Variants in SEMA3A observed in about 807,000 individuals in gnomAD.
SEMA3A encodes the protein semaphorin-3A.
SEMA3A carries 29 observed loss-of-function variants against 97.9 expected under a neutral mutation model. The ratio of observed to expected loss-of-function variants is 0.30; its 90% CI spans 0.22 to 0.40. The LOEUF is 0.40. SEMA3A is among the 10% of genes least tolerant of loss of function. SEMA3A has a pLI of 1.00. For missense variants in SEMA3A, 763 were observed against 951.3 expected (o/e 0.80, Z 2.60); for synonymous variants, 321 against 323.7 (o/e 0.99, Z 0.09).
At chr7:84,147,267 A>T (rs577222968) in intron 1 of SEMA3A, among the ~76,000 whole-genome samples, 1 of 152,294 alleles carries the variant, frequency 6.6e-6, no homozygotes, top group South Asian at 2.1e-4. Flanking sequence ...CTTAAGAATG[A>T]TTTATTTAAA....
At chr7:84,154,322 G>A (rs1796766973) in intron 1 of SEMA3A, among the ~76,000 whole-genome samples, 1 of 152,032 alleles carries the variant, frequency 6.6e-6, no homozygotes, top group Non-Finnish European at 1.5e-5. Flanking sequence ...CATTTCTTAG[G>A]CTAATTATTT....
chr7:84,490,753 G>A (rs1235914156), intron 1 of SEMA3A, among the ~76,000 whole-genome samples: 1 of 152,142 alleles, frequency 6.6e-6, no homozygotes, highest in Admixed American at 6.6e-5. Context: ...GCTGAAGTGA[G>A]GTCCAGCCTT....
At chr7:84,238,606 A>G (rs1043848017) in intron 3 of SEMA3A, among the ~76,000 whole-genome samples, 4 of 152,188 alleles carry the variant, frequency 2.6e-5, no homozygotes, top group Non-Finnish European at 5.9e-5. Context: ...CCTTTCTGCA[A>G]TAGTTCTGTT....
chr7:84,444,551 CTTTTCTTT>C (rs1232122727), intron 1 of SEMA3A, among the ~76,000 whole-genome samples: 1 of 149,544 alleles, frequency 6.7e-6, no homozygotes, highest in Non-Finnish European at 1.5e-5. Context: ...CAGTGATTTT[CTTTTCTTT>C]TTTTCTTTTT....
Position 84,072,843 on chromosome 7 carries a change from T to C in SEMA3A, c.454-12285A>G, listed in dbSNP as rs979902643. Among the ~76,000 whole-genome samples, 4 of 152,180 alleles carry C rather than the reference T, an allele frequency of 2.6e-5. No individual in the cohort carries two copies. In the East Asian group the frequency reaches 7.7e-4, roughly 29 times the overall value. ...ATTGCCTTAAAACTTCATGTATATA[T>C]TATTTCACTTAATCTTCATGACAAC... On this transcript the variant is annotated intron_variant, in intron 4 of 16. Transcript: ENST00000265362.
At chr7:83,965,676 T>A (rs1464321737) in intron 15 of SEMA3A, among the ~76,000 whole-genome samples, 61 of 61,144 alleles carry the variant, frequency 1.0e-3, no homozygotes, top group East Asian at 5.8e-3. Context: ...ATTTTTTTTT[T>A]TTTTTTTTTT....
intron 2 of SEMA3A, among the ~76,000 whole-genome samples, chr7:84,314,312 G>A (rs1801441750): frequency 1.3e-5 from 2 of 152,048 alleles, no homozygotes; most frequent in South Asian, 2.1e-4. Context: ...GGTAATATCA[G>A]AGACATAAAC....
intron 3 of SEMA3A, among the ~76,000 whole-genome samples, chr7:84,269,143 CTGTTTA>C (rs1800083501): frequency 6.6e-6 from 1 of 151,848 alleles, no homozygotes; most frequent in South Asian, 2.1e-4. Context: ...AATTTTTTTT[CTGTTTA>C]TATCTCATAT....
chr7:84,055,584 A>G lies in SEMA3A; in HGVS notation c.547+4881T>C, dbSNP rs531107891. ...TGGCTCGTGCACGGTGCGCGCACCC[A>G]CTGACCTGCGCCCACTGTCTGGCAC... On this transcript the variant is annotated intron_variant, in intron 5 of 16. Coordinates refer to ENST00000265362, the MANE Select transcript of SEMA3A (RefSeq NM_006080.3). 3.3e-5 allele frequency among the ~76,000 whole-genome samples: 5 copies of G among 152,252 alleles called. No individual in the cohort carries two copies. In the East Asian group the frequency reaches 5.8e-4, roughly 18 times the overall value.
chr7:84,209,490 G>T (rs969948679), intron 3 of SEMA3A, among the ~76,000 whole-genome samples: 8 of 152,108 alleles, frequency 5.3e-5, no homozygotes, highest in Non-Finnish European at 1.0e-4. Flanking sequence ...TTTCTTGGGG[G>T]CTCAGTGTCC....
intron 4 of SEMA3A, among the ~76,000 whole-genome samples, chr7:84,074,359 C>T (rs1793861525): frequency 1.3e-5 from 2 of 152,196 alleles, no homozygotes; most frequent in South Asian, 4.1e-4. Flanking sequence ...TAACAATATA[C>T]ATTGTGGGAA....
intron 4 of SEMA3A, among the ~76,000 whole-genome samples, chr7:84,104,563 T>A (rs1795051629): frequency 6.6e-6 from 1 of 152,172 alleles, no homozygotes; most frequent in Non-Finnish European, 1.5e-5. Flanking sequence ...AAATATAAAA[T>A]GCTCAATTGA....
chr7:84,251,288 T>C (rs967125291), intron 3 of SEMA3A, among the ~76,000 whole-genome samples: 2 of 152,178 alleles, frequency 1.3e-5, no homozygotes, highest in Admixed American at 1.3e-4. Flanking sequence ...AGGTACTATG[T>C]TTTGGAAGTG....
At position 83,991,971 on chromosome 7, in the gene SEMA3A, G is replaced by A. The variant is rs1174503725; in HGVS notation, c.1453-6494C>T. Among the ~76,000 whole-genome samples the A allele has an allele frequency of 4.1e-5, 6 of 145,982 alleles. No homozygotes were observed. The East Asian group carries it at 6.0e-4, about 15-fold the overall frequency. On this transcript the variant is annotated intron_variant, in intron 12 of 16. Coordinates refer to ENST00000265362, the MANE Select transcript of SEMA3A (RefSeq NM_006080.3). ...GTCCTGGACTCTTTTTGGTTGGTAA[G>A]CTATTGATTATTGCCACAATTTCAG...
intron 2 of SEMA3A, among the ~76,000 whole-genome samples, chr7:84,131,909 C>A (rs1034187468): frequency 1.3e-5 from 2 of 152,162 alleles, no homozygotes; most frequent in Non-Finnish European, 1.5e-5. Context: ...CCTGCCGCAG[C>A]CTTTAGGCTA....
intron 4 of SEMA3A, among the ~76,000 whole-genome samples, chr7:84,089,162 G>A (rs1195599378): frequency 6.6e-6 from 1 of 152,074 alleles, no homozygotes; most frequent in East Asian, 1.9e-4. Flanking sequence ...GAGGAGTAGT[G>A]CAAAATACTT....
chr7:83,995,111 C>A (rs901683873), intron 12 of SEMA3A, among the ~76,000 whole-genome samples: 5 of 152,138 alleles, frequency 3.3e-5, no homozygotes, highest in South Asian at 4.1e-4. Context: ...TTCTTTGACT[C>A]GGAAAAGGAA....
chr7:84,267,712 T>G (rs369581514), intron 3 of SEMA3A, among the ~76,000 whole-genome samples: 21 of 152,224 alleles, frequency 1.4e-4, no homozygotes, highest in East Asian at 1.4e-3. Flanking sequence ...TTCATGGTCA[T>G]TTACATGTCT....
chr7:84,474,342 A>G (rs1445791819), intron 1 of SEMA3A, among the ~76,000 whole-genome samples: 5 of 152,214 alleles, frequency 3.3e-5, no homozygotes, highest in African/African-American at 1.2e-4. Context: ...TTCCTAAGAC[A>G]GGTTGTTTCC....
Sources: allele counts gnomAD v4.1 joint callset (sites outside exome capture counted in the v4.1 genomes callset), GRCh38; gene constraint gnomAD v4.1.1; transcripts MANE v1.5; gene names NCBI Gene and HGNC (gene_info 2026-07-23, HGNC 2026-07-21).